The following DDX50 variants were observed in gnomAD, a reference collection of about 807,000 sequenced individuals.
The protein encoded by DDX50 is ATP-dependent RNA helicase DDX50.
A neutral mutation model predicts 94.8 loss-of-function variants in DDX50; 56 were observed. That is an observed-to-expected ratio of 0.59 (90% confidence interval 0.48 to 0.74). DDX50 has a LOEUF of 0.74. Among genes scored for constraint, DDX50 ranks in the 30% least tolerant of loss-of-function variants. The probability of loss-of-function intolerance (pLI) is 0.00; values close to 1 mark genes in which losing one functional copy is unlikely to be tolerated. For missense variants in DDX50, 713 were observed against 881.2 expected (o/e 0.81, Z 2.42); for synonymous variants, 264 against 295.4 (o/e 0.89, Z 1.09).
intron 1 of DDX50, among the ~76,000 whole-genome samples, chr10:68,904,276 A>G (rs1159527308): frequency 6.6e-6 from 1 of 152,106 alleles, no homozygotes; most frequent in Non-Finnish European, 1.5e-5. Context: ...GAGCTGCTGC[A>G]CTCCAGCCTG....
At position 68,946,499 on chromosome 10, in the gene DDX50, G is replaced by C. The variant is rs767078685; in HGVS notation, c.2083G>C (p.Gly695Arg). 4.0e-5 allele frequency: 64 copies of C among 1,614,064 alleles called. No homozygotes were observed. Among genetic ancestry groups the C allele is most frequent in the Non-Finnish European group, 5.3e-5 (62 of 1,180,024 alleles). Residue 695 changes from glycine (G) to arginine (R), a missense_variant, in exon 15 of 15, where the codon GGT (glycine) becomes CGT (arginine). Transcript: ENST00000373585. Reference protein sequence around the residue: ...GRSGRSGRSGGRSGGRSGRQS... With the variant: ...GRSGRSGRSGRRSGGRSGRQS... ...ATCAGGCCGGTCAGGCCGGTCAGGT[G>C]GTCGATCTGGCGGCCGGTCAGGTAG...
At chr10:68,918,419 C>G (rs1841857296) in intron 7 of DDX50, among the ~76,000 whole-genome samples, 2 of 148,834 alleles carry the variant, frequency 1.3e-5, no homozygotes, top group Admixed American at 6.9e-5. Flanking sequence ...AGTTACTCTC[C>G]ATTCCCTCCT....
Position 68,919,971 on chromosome 10 carries a change from A to G in DDX50, c.1229A>G (p.His410Arg). 1 of 1,613,604 alleles carries G rather than the reference A, an allele frequency of 6.2e-7. No homozygotes were observed. The highest frequency in any genetic ancestry group is 8.5e-7 in the Non-Finnish European group (1 of 1,179,926). ...KNVTEMAMNPHIKQNAQCLHG... is the reference protein window; with the variant it reads ...KNVTEMAMNPRIKQNAQCLHG... ...GTAACTGAAATGGCCATGAATCCACACATAAAACAGGTAAGTCTTTTTTTC... is the reference window on the plus strand; with the variant it reads ...GTAACTGAAATGGCCATGAATCCACGCATAAAACAGGTAAGTCTTTTTTTC... Residue 410 changes from histidine (H) to arginine (R), a missense_variant, in exon 8 of 15, where the codon CAC becomes CGC. His to Arg is a conservative substitution (Grantham distance 29). Transcript: ENST00000373585.
chr10:68,936,488 CAAAAAAAAAAAAAAA>C (rs1212336346), intron 11 of DDX50, among the ~76,000 whole-genome samples: 12 of 26,830 alleles, frequency 4.5e-4, no homozygotes, highest in African/African-American at 1.2e-3. Flanking sequence ...GACTCTGTCT[CAAAAAAAAAAAAAAA>C]AAAAAAAAAA....
Position 68,946,610 on chromosome 10 carries a change from C to G in DDX50, c.2194C>G (p.His732Asp). Residue 732 changes from histidine (H) to aspartate (D), a missense_variant, in exon 15 of 15, where the codon CAC becomes GAC. Physicochemically the swap from His to Asp is moderately conservative, Grantham distance 81 (BLOSUM62 -1). Coordinates refer to ENST00000373585, the MANE Select transcript of DDX50 (RefSeq NM_024045.2). Reference sequence around the variant, plus strand: ...TAGAAATCGATCAAGAAGTGGGGGCCACAAACGGAGTTTTGACTGAGTATT... The same window carrying G: ...TAGAAATCGATCAAGAAGTGGGGGCGACAAACGGAGTTTTGACTGAGTATT... ...GNRNRSRSGG[H>D]KRSFD 1 of 1,613,776 alleles carries G rather than the reference C, an allele frequency of 6.2e-7. No individual in the cohort carries two copies. The highest frequency in any genetic ancestry group is 8.5e-7 in the Non-Finnish European group (1 of 1,179,880).
At chr10:68,909,952 G>A (rs1342218552) in intron 2 of DDX50, among the ~76,000 whole-genome samples, 3 of 152,274 alleles carry the variant, frequency 2.0e-5, no homozygotes, top group East Asian at 1.9e-4. Context: ...ATGAGCCACC[G>A]CACCTGGCCA....
chr10:68,940,427 AT>A (rs1489170414), intron 12 of DDX50, among the ~76,000 whole-genome samples: 9 of 144,796 alleles, frequency 6.2e-5, no homozygotes, highest in Non-Finnish European at 4.6e-5. Context: ...TTTACTTTTT[AT>A]TTTTTTTTTG....
Position 68,934,959 on chromosome 10 carries a change from G to T in DDX50, c.1521+41G>T, listed in dbSNP as rs774921917. ...TTATTTCAGGCTTATTGTCTAAATG[G>T]TGCCTTAAAAGAGAGCTCTTCTTAT... On this transcript the variant is annotated intron_variant, in intron 10 of 14. Transcript: ENST00000373585. This position sits in a 1 kb window ranked among gnomAD's most constrained non-coding sequence, Gnocchi z 4.0. The T allele has an allele frequency of 3.1e-6, 5 of 1,592,724 alleles. No individual in the cohort carries two copies. The highest frequency in any genetic ancestry group is 4.3e-6 in the Non-Finnish European group (5 of 1,170,350).
At chr10:68,907,650 G>A (rs753248325) in intron 2 of DDX50, among the ~76,000 whole-genome samples, 2 of 151,762 alleles carry the variant, frequency 1.3e-5, no homozygotes, top group Non-Finnish European at 2.9e-5. Context: ...ATATAAATAC[G>A]ATAATTGCTG....
intron 8 of DDX50, among the ~76,000 whole-genome samples, chr10:68,930,144 TTTCGCTCTTGTCGCCCAAGCTGG>T (rs1340199842): frequency 7.1e-6 from 1 of 139,930 alleles, no homozygotes; most frequent in African/African-American, 2.8e-5. Flanking sequence ...TTTGATGGAG[TTTCGCTCTTGTCGCCCAAGCTGG>T]AGTACGATGA....
Position 68,936,105 on chromosome 10 carries a change from A to G in DDX50, c.1595+26A>G, listed in dbSNP as rs1421492206. 3.8e-6 allele frequency: 6 copies of G among 1,576,226 alleles called. No homozygotes were observed. In the African/African-American group the frequency reaches 8.2e-5, roughly 22 times the overall value. ...GTATGCTTTCTGAACTTGCTGAATA[A>G]TTGTTTCTTTTGTATTAGGCTATTC... On this transcript the variant is annotated intron_variant, in intron 11 of 14. Coordinates refer to ENST00000373585, the MANE Select transcript of DDX50 (RefSeq NM_024045.2).
chr10:68,926,114 G>T (rs964803469), intron 8 of DDX50, among the ~76,000 whole-genome samples: 1 of 142,088 alleles, frequency 7.0e-6, no homozygotes, highest in African/African-American at 2.7e-5. Flanking sequence ...AGAGTTAGAG[G>T]TTGCAGTGAG....
intron 14 of DDX50, among the ~76,000 whole-genome samples, chr10:68,944,611 A>G: frequency 6.6e-6 from 1 of 151,910 alleles, no homozygotes; most frequent in Admixed American, 6.6e-5. Context: ...CAGTGGTGTG[A>G]TCTCAGCTCA....
At chr10:68,906,475 G>T in intron 1 of DDX50, 1 of 394,330 alleles carries the variant, frequency 2.5e-6, no homozygotes, top group Non-Finnish European at 4.5e-6. Context: ...ATCTTATGAT[G>T]GGATTAGAGA....
intron 8 of DDX50, 151 bp downstream of exon 8, chr10:68,920,132 G>C (rs1049765577): frequency 7.7e-6 from 7 of 907,524 alleles, no homozygotes; most frequent in Non-Finnish European, 1.2e-5. Flanking sequence ...GTAATCCTGT[G>C]ACCTGATAAG....
rs757859234 is a variant in DDX50 at position 68,913,451 on chromosome 10, A to G, written c.818A>G (p.His273Arg). ...LVGTPGRIKD[H>R]LQSGRLDLSK... ...GGAACACCTGGTCGTATCAAAGACCATCTGCAGAGTGGCCGATTGGATCTT... is the reference window on the plus strand; with the variant it reads ...GGAACACCTGGTCGTATCAAAGACCGTCTGCAGAGTGGCCGATTGGATCTT... Residue 273 changes from histidine (H) to arginine (R), a missense_variant, in exon 6 of 15, where the codon CAT becomes CGT. His to Arg is a conservative substitution (Grantham distance 29). Around this residue, in one of 2 missense-constraint regions of DDX50, gnomAD observed 428 missense variants for 602.3 expected, o/e 0.71. Coordinates refer to ENST00000373585, the MANE Select transcript of DDX50 (RefSeq NM_024045.2). The G allele has an allele frequency of 1.9e-6, 3 of 1,614,070 alleles. No homozygotes were observed. The highest frequency in any genetic ancestry group is 2.5e-6 in the Non-Finnish European group (3 of 1,180,024).
chr10:68,921,459 T>C (rs1015335982), intron 8 of DDX50, among the ~76,000 whole-genome samples: 6 of 152,142 alleles, frequency 3.9e-5, no homozygotes, highest in African/African-American at 1.4e-4. Flanking sequence ...ATTTAGCATG[T>C]TCCTCTGTCT....
In DDX50 at chr10:68,906,897, A is replaced by G. The variant is rs752393118; in HGVS notation, c.274A>G (p.Arg92Gly). 5.0e-6 allele frequency: 8 copies of G among 1,610,814 alleles called. No individual in the cohort carries two copies. The East Asian group carries it at 1.8e-4, about 36-fold the overall frequency. The part of the protein sequence containing the change: ...SDEFSKSHKS[R>G]RKDLPNGDID... Reference sequence around the variant, plus strand: ...TGAATTCTCCAAATCTCATAAGTCAAGAAGAAAAGATCTACCAAATGGAGA... The same window carrying G: ...TGAATTCTCCAAATCTCATAAGTCAGGAAGAAAAGATCTACCAAATGGAGA... The change falls in exon 2 of 15, where the codon AGA becomes GGA. Residue 92 changes from arginine (R) to glycine (G), a missense_variant. Transcript: ENST00000373585.
chr10:68,936,796 G>A (rs1366501202), intron 11 of DDX50, 140 bp from the exon 12 acceptor site: 12 of 738,736 alleles, frequency 1.6e-5, no homozygotes, highest in South Asian at 2.4e-5. Context: ...AGCCAAGATC[G>A]TGCCAGTGCG....
Sources: allele counts gnomAD v4.1 joint callset (sites outside exome capture counted in the v4.1 genomes callset), GRCh38; gene constraint gnomAD v4.1.1; regional missense constraint gnomAD v4.1.1; non-coding constraint Gnocchi (gnomAD v3.1); transcripts MANE v1.5; gene names NCBI Gene and HGNC (gene_info 2026-07-23, HGNC 2026-07-21).